UPF3B: variants seen among roughly 807,000 people sequenced by gnomAD.
UPF3B encodes the protein UPF3B regulator of nonsense mediated mRNA decay.
Under a neutral mutation model 40.3 loss-of-function variants are expected in UPF3B, and 7 were observed. The ratio of observed to expected loss-of-function variants is 0.17; its 90% confidence interval spans 0.10 to 0.33. The LOEUF is 0.33. Ranked by LOEUF, UPF3B falls within the 10% of genes least tolerant of loss-of-function variation. UPF3B has a pLI of 1.00. For missense variants in UPF3B, 229 were observed against 358.9 expected (o/e 0.64, Z 2.93); for synonymous variants, 117 against 117.3 (o/e 1.00, Z 0.01).
chrX:119,836,904 C>T (rs1475074009), intron 10 of UPF3B, among the ~76,000 whole-genome samples: 2 of 106,078 alleles, frequency 1.9e-5, no homozygotes, highest in Non-Finnish European at 3.9e-5. Context: ...CCCGTCTTGG[C>T]CTCCCAAAGT....
At chrX:119,838,626 G>A in intron 8 of UPF3B, 99 bp from the exon 9 acceptor site, 2 of 851,865 alleles carry the variant, frequency 2.3e-6, no homozygotes, top group Non-Finnish European at 3.4e-6. Context: ...ACTAGACAAA[G>A]CCCCCTATCT....
chrX:119,832,223 T>C (rs2056044358), downstream of UPF3B, among the ~76,000 whole-genome samples: 1 of 111,617 alleles, frequency 9.0e-6, no homozygotes, highest in Non-Finnish European at 1.9e-5. Context: ...GCCTTCTAAA[T>C]GCTAGGATTA....
At chrX:119,839,754 G>T (rs1381801221) in intron 8 of UPF3B, among the ~76,000 whole-genome samples, 2 of 112,129 alleles carry the variant, frequency 1.8e-5, no homozygotes, top group Non-Finnish European at 3.8e-5. Context: ...AGGATACCAT[G>T]TGCAGGTTTC....
exon 4 of UPF3B, chrX:119,823,039 C>T (rs1235648181): frequency 2.4e-6 from 2 of 837,170 alleles, no homozygotes; most frequent in East Asian, 1.9e-4. Flanking sequence ...CATCCATGGA[C>T]AGTCCTGAAG....
intron 10 of UPF3B, among the ~76,000 whole-genome samples, chrX:119,836,417 A>G (rs1474779725): frequency 9.0e-6 from 1 of 111,542 alleles, no homozygotes; most frequent in Non-Finnish European, 1.9e-5. Flanking sequence ...ACATATGAAC[A>G]CTGAATAGAC....
chrX:119,836,494 GTATT>G (rs1231896430), intron 10 of UPF3B, among the ~76,000 whole-genome samples: 18 of 110,913 alleles, frequency 1.6e-4, no homozygotes, highest in African/African-American at 2.3e-4. Context: ...TATTAATAGA[GTATT>G]TATCTCATAT....
At chrX:119,807,399 A>G (rs1385764118) in intron 6 of UPF3B, 10 of 879,267 alleles carry the variant, frequency 1.1e-5, no homozygotes, top group Middle Eastern at 5.6e-4. Context: ...TTGGCTGCCT[A>G]GACAGTCAGT....
chrX:119,838,420 A>C lies in UPF3B; in HGVS notation c.954T>G (p.Ser318Arg). ...NLSDERASGQSCTLPKRSDSE... is the reference protein window; with the variant it reads ...NLSDERASGQRCTLPKRSDSE... Reference sequence around the variant, plus strand: ...TATCAGAACGCTTGGGCAATGTACAACTTTGCCCACTGGCTCTTTCATCAC... The same window carrying C: ...TATCAGAACGCTTGGGCAATGTACACCTTTGCCCACTGGCTCTTTCATCAC... Residue 318 changes from serine to arginine, a missense_variant, in exon 9 of 11, where the codon AGT becomes AGG. Ser to Arg is a moderately radical substitution (Grantham distance 110). Around this residue, in one of 3 missense-constraint regions of UPF3B, gnomAD observed 119 missense variants for 153.8 expected, o/e 0.77. Transcript: ENST00000276201. 1 of 1,212,138 alleles carries C rather than the reference A, an allele frequency of 8.2e-7. No homozygotes were observed. The highest frequency in any genetic ancestry group is 1.1e-6 in the Non-Finnish European group (1 of 895,510).
intron 4 of UPF3B, among the ~76,000 whole-genome samples, chrX:119,821,135 A>T (rs1380712510): frequency 1.8e-5 from 2 of 110,751 alleles, no homozygotes; most frequent in African/African-American, 6.6e-5. Flanking sequence ...AGGTTGTTGT[A>T]AAGTGTGGCA....
chrX:119,832,269 C>G (rs1454825348), downstream of UPF3B, among the ~76,000 whole-genome samples: 2 of 111,524 alleles, frequency 1.8e-5, no homozygotes, highest in African/African-American at 3.3e-5. Context: ...CATTTCATTC[C>G]TTTTTTTGAG....
At chrX:119,841,638 T>C in intron 6 of UPF3B, 97 bp downstream of exon 6, 1 of 856,363 alleles carries the variant, frequency 1.2e-6, no homozygotes, top group African/African-American at 2.0e-5. Flanking sequence ...AAAAAGCAGC[T>C]ATTTCTCCTC....
chrX:119,822,546 G>A (rs994153676), intron 4 of UPF3B, among the ~76,000 whole-genome samples: 9 of 112,079 alleles, frequency 8.0e-5, no homozygotes, highest in African/African-American at 1.9e-4. Flanking sequence ...CTGAACCTCC[G>A]ACCAGATTCC....
In UPF3B at chrX:119,852,371, C is replaced by T. The variant is rs138045096; in HGVS notation, c.156+402G>A. ...CAAAATAGGATGCTCTCGATCTACC[C>T]TCCTGTACCATTAATCACCCTGCAC... On this transcript the variant is annotated intron_variant, in intron 1 of 10. Transcript: ENST00000276201. 6.4e-3 allele frequency among the ~76,000 whole-genome samples: 714 copies of T among 112,168 alleles called. 2 individuals are homozygous for T. The highest frequency in any genetic ancestry group is 0.011 in the Non-Finnish European group (599 of 53,153).
chrX:119,849,269 G>A (rs1248015764), intron 3 of UPF3B, among the ~76,000 whole-genome samples: 1 of 110,993 alleles, frequency 9.0e-6, no homozygotes, highest in Non-Finnish European at 1.9e-5. Context: ...TGAGGCGGGT[G>A]GATTGCTTGA....
chrX:119,848,025 T>C (rs2056255925), intron 3 of UPF3B, among the ~76,000 whole-genome samples: 1 of 108,429 alleles, frequency 9.2e-6, no homozygotes, highest in Non-Finnish European at 1.9e-5. Flanking sequence ...ATGCCTGTAA[T>C]TCCTAGCATT....
At chrX:119,809,325 T>C (rs939646187) in intron 5 of UPF3B, among the ~76,000 whole-genome samples, 10 of 111,782 alleles carry the variant, frequency 8.9e-5, no homozygotes, top group Admixed American at 3.8e-4. Flanking sequence ...AGATAAGATT[T>C]GGGTGGGGAC....
intron 3 of UPF3B, among the ~76,000 whole-genome samples, chrX:119,846,722 A>T (rs2496216): frequency 0.013 from 1,457 of 110,801 alleles, 15 homozygotes; most frequent in African/African-American, 0.045. Flanking sequence ...TACCACAATA[A>T]AACAAAAATA....
In UPF3B at chrX:119,817,939, C is replaced by G. The variant is rs144261046; in HGVS notation, c.495-2632G>C. Among the ~76,000 whole-genome samples, 106 of 111,573 alleles carry G rather than the reference C, an allele frequency of 9.5e-4. 1 individual carries two copies. The highest frequency in any genetic ancestry group is 3.3e-3 in the African/African-American group (101 of 30,770). ...GGACAAAATGATGTTGAAGATGAAG[C>G]CTGCAGCAGCAGGTCATCCACATCA... On this transcript the variant is annotated intron_variant, in intron 4 of 6. Transcript: ENST00000636792.
At chrX:119,838,305 GGACA>G (rs1471097259) in intron 9 of UPF3B, 58 bp downstream of exon 9, 9 of 1,155,110 alleles carry the variant, frequency 7.8e-6, no homozygotes, top group Non-Finnish European at 1.1e-5. Context: ...TACATGTCCA[GGACA>G]TAGCAGCAAA....
Sources: allele counts gnomAD v4.1 joint callset (sites outside exome capture counted in the v4.1 genomes callset), GRCh38; gene constraint gnomAD v4.1.1; regional missense constraint gnomAD v4.1.1; transcripts MANE v1.5; gene names NCBI Gene and HGNC (gene_info 2026-07-23, HGNC 2026-07-21).